The following SV2C variants were observed in gnomAD, a reference collection of about 807,000 sequenced individuals.
SV2C encodes synaptic vesicle glycoprotein 2C.
Under a neutral mutation model 79.7 loss-of-function variants are expected in SV2C, and 49 were observed. The observed-to-expected ratio is 0.61, with a 90% confidence interval of 0.49 to 0.78. The LOEUF (loss-of-function observed/expected upper bound fraction) is 0.78, where lower values mean the gene tolerates loss of function less well. Among genes scored for constraint, SV2C ranks in the 30% least tolerant of loss-of-function variants. The pLI, the probability that SV2C is intolerant of heterozygous loss-of-function variation, is 0.00. For synonymous variants in SV2C, 334 were observed against 333.2 expected (o/e 1.00, Z -0.03); for missense variants, 833 against 912.9 (o/e 0.91, Z 1.13).
the SV2C span, among the ~76,000 whole-genome samples, chr5:75,956,976 C>T: frequency 6.6e-6 from 1 of 151,942 alleles, no homozygotes; most frequent in Non-Finnish European, 1.5e-5. Context: ...TTACAGTCTA[C>T]AAAGGCAAGG....
At chr5:76,144,768 A>G (rs1012451360) in intron 2 of SV2C, among the ~76,000 whole-genome samples, 1 of 152,222 alleles carries the variant, frequency 6.6e-6, no homozygotes, top group Admixed American at 6.5e-5. Flanking sequence ...TAATTCAGTA[A>G]ATATTCATGT....
At position 76,232,008 on chromosome 5, in the gene SV2C, G is replaced by A. The variant is rs1232720819; in HGVS notation, c.913+22121G>A. Reference sequence around the variant, plus strand: ...TCCAGTTCTAGATCCCTGAGGAATCGTCACACCGACTTCCACAATGGTTGA... The same window carrying A: ...TCCAGTTCTAGATCCCTGAGGAATCATCACACCGACTTCCACAATGGTTGA... On this transcript the variant is annotated intron_variant, in intron 4 of 12. Coordinates refer to ENST00000502798, the MANE Select transcript of SV2C (RefSeq NM_014979.4). Among the ~76,000 whole-genome samples, 36 of 144,068 alleles carry A rather than the reference G, an allele frequency of 2.5e-4. 2 individuals are homozygous for A. The highest frequency in any genetic ancestry group is 4.2e-4 in the South Asian group (2 of 4,762). The allele number at this position is 144,068 out of a possible 152,430, so 94.5% of individuals were successfully genotyped here. A position where few individuals can be genotyped will look rare whatever the true frequency, so the allele number is the denominator to read the frequency against.
At chr5:76,183,526 C>A (rs1012182227) in intron 2 of SV2C, among the ~76,000 whole-genome samples, 1 of 152,148 alleles carries the variant, frequency 6.6e-6, no homozygotes, top group African/African-American at 2.4e-5. Flanking sequence ...CCCCTTCTCT[C>A]CATCTTTCCT....
intron 3 of SV2C, among the ~76,000 whole-genome samples, chr5:76,208,707 A>T (rs559228568): frequency 6.6e-6 from 1 of 152,366 alleles, no homozygotes; most frequent in South Asian, 2.1e-4. Context: ...CAGAAATCTG[A>T]ACAAAAATGA....
the SV2C span, among the ~76,000 whole-genome samples, chr5:75,996,711 G>A: frequency 2.0e-5 from 3 of 152,186 alleles, no homozygotes; most frequent in South Asian, 6.2e-4. Context: ...TCCTTTGTAA[G>A]TTGGATTCCT....
the SV2C span, among the ~76,000 whole-genome samples, chr5:76,007,951 G>C: frequency 6.6e-6 from 1 of 152,154 alleles, no homozygotes; most frequent in Non-Finnish European, 1.5e-5. Flanking sequence ...GTGTGACCAA[G>C]GATCCTTGCC....
the SV2C span, among the ~76,000 whole-genome samples, chr5:75,928,318 G>T: frequency 6.6e-6 from 1 of 152,076 alleles, no homozygotes; most frequent in Non-Finnish European, 1.5e-5. Context: ...TGTTTTCATT[G>T]TTTAGCTCTC....
chr5:76,318,227 G>A (rs1370386039), intron 12 of SV2C, among the ~76,000 whole-genome samples: 1 of 152,140 alleles, frequency 6.6e-6, no homozygotes, highest in East Asian at 1.9e-4. Context: ...AGACCAACCT[G>A]GCCAACATGG....
At chr5:75,859,182 A>G in the SV2C span, among the ~76,000 whole-genome samples, 2 of 152,118 alleles carry the variant, frequency 1.3e-5, no homozygotes, top group Admixed American at 6.5e-5. Context: ...GAAAATAGCA[A>G]TTTATTGACT....
At chr5:75,908,757 T>A in the SV2C span, among the ~76,000 whole-genome samples, 1 of 152,252 alleles carries the variant, frequency 6.6e-6, no homozygotes, top group Non-Finnish European at 1.5e-5. Context: ...TCCTTTCCTC[T>A]GACACTGTAG....
In SV2C at chr5:76,173,050, AT is replaced by A. The variant is rs1337116940; in HGVS notation, c.581-21868del. 1.1e-4 allele frequency among the ~76,000 whole-genome samples: 13 copies of A among 115,720 alleles called. 2 individuals are homozygous for A. Among genetic ancestry groups the A allele is most frequent in the Middle Eastern group, 3.8e-3 (1 of 262 alleles). The allele number at this position is 115,720 out of a possible 152,430, so 75.9% of individuals were successfully genotyped here. On this transcript the variant is annotated intron_variant, in intron 2 of 12. Transcript: ENST00000502798. ...ACACCCAAGAATTATCAATAAAAAA[AT>A]AAATTAAAAAAAAATACAAAAAAAA...
intron 12 of SV2C, among the ~76,000 whole-genome samples, chr5:76,351,018 A>G (rs566595090): frequency 1.2e-4 from 18 of 151,926 alleles, no homozygotes; most frequent in African/African-American, 3.6e-4. Flanking sequence ...ATCTCAAAAA[A>G]AAAAAAAAAT....
chr5:76,167,234 T>C (rs1743072802), intron 2 of SV2C, among the ~76,000 whole-genome samples: 1 of 152,246 alleles, frequency 6.6e-6, no homozygotes, highest in South Asian at 2.1e-4. Flanking sequence ...TACTAATTTC[T>C]ATTCCTTGTT....
At chr5:75,934,302 CTTTTT>C in the SV2C span, among the ~76,000 whole-genome samples, 6 of 107,836 alleles carry the variant, frequency 5.6e-5, no homozygotes, top group Non-Finnish European at 8.7e-5. Context: ...TTCTTTCTTT[CTTTTT>C]TTTTTTTTTT....
chr5:76,325,040 C>T (rs919681937), intron 12 of SV2C, among the ~76,000 whole-genome samples: 23 of 152,068 alleles, frequency 1.5e-4, no homozygotes, highest in African/African-American at 5.6e-4. Flanking sequence ...ATGAAAAAGA[C>T]CCTTCCTTCC....
the SV2C span, among the ~76,000 whole-genome samples, chr5:76,001,071 G>A: frequency 2.0e-5 from 3 of 151,884 alleles, no homozygotes; most frequent in Non-Finnish European, 4.4e-5. Context: ...GTTGAGCTCT[G>A]ATGGGCGATG....
rs1749252681 is a variant in SV2C at position 76,333,880 on chromosome 5, A to G, written c.*8333A>G. 1 of 152,238 alleles carries G rather than the reference A, an allele frequency of 6.6e-6. No individual in the cohort carries two copies. The highest frequency in any genetic ancestry group is 2.1e-4 in the South Asian group (1 of 4,830). 9.4% of individuals were successfully genotyped at this position (152,238 alleles called of 1,614,324 possible). ...TATGCCAGATAACTAACATTCATGTAACAGCTGCAAAGATATTTAGTGTAT... is the reference window on the plus strand; with the variant it reads ...TATGCCAGATAACTAACATTCATGTGACAGCTGCAAAGATATTTAGTGTAT... On this transcript the variant is annotated 3_prime_UTR_variant, in exon 13 of 13. Coordinates refer to ENST00000502798, the MANE Select transcript of SV2C (RefSeq NM_014979.4).
chr5:75,972,332 C>G, the SV2C span, among the ~76,000 whole-genome samples: 1 of 152,038 alleles, frequency 6.6e-6, no homozygotes, highest in African/African-American at 2.4e-5. Context: ...CAAATGGGAT[C>G]TAATTAAACT....
intron 1 of SV2C, among the ~76,000 whole-genome samples, chr5:76,093,809 A>AT (rs35242385): frequency 0.58 from 88,823 of 152,056 alleles, 27,903 homozygotes; most frequent in African/African-American, 0.82. Flanking sequence ...TTATCAAATT[A>AT]TTTTCCCCCT....
Sources: allele counts gnomAD v4.1 joint callset (sites outside exome capture counted in the v4.1 genomes callset), GRCh38; gene constraint gnomAD v4.1.1; transcripts MANE v1.5; gene names NCBI Gene and HGNC (gene_info 2026-07-23, HGNC 2026-07-21).